The following GRAMD1A variants were observed in gnomAD, a reference collection of about 807,000 sequenced individuals.
The protein encoded by GRAMD1A is GRAM domain containing 1A, also known as protein Aster-A.
A neutral mutation model predicts 92.0 loss-of-function variants in GRAMD1A; 50 were observed. The observed-to-expected ratio is 0.54, with a 90% CI of 0.43 to 0.69. The LOEUF (loss-of-function observed/expected upper bound fraction) is 0.69, where lower values mean the gene tolerates loss of function less well. GRAMD1A is among the 30% of genes least tolerant of loss of function. GRAMD1A has a pLI of 0.00. For missense variants in GRAMD1A, 819 were observed against 978.9 expected (o/e 0.84, Z 2.18); for synonymous variants, 405 against 403.6 (o/e 1.00, Z -0.04).
At position 35,023,290 on chromosome 19, in the gene GRAMD1A, G is replaced by C. The variant is rs2016205426; in HGVS notation, c.1908G>C (p.Leu636=). 1 of 1,614,028 alleles carries C rather than the reference G, an allele frequency of 6.2e-7. No individual in the cohort carries two copies. The highest frequency in any genetic ancestry group is 1.3e-5 in the African/African-American group (1 of 74,936). Reference sequence around the variant, plus strand: ...TGCTCTTCTACCGCCTCTGGTCCCTGGAAAGGACAGCCCACACCTTTGAGT... The same window carrying C: ...TGCTCTTCTACCGCCTCTGGTCCCTCGAAAGGACAGCCCACACCTTTGAGT... ...NVLLFYRLWS[L]ERTAHTFESW... Residue 636 remains leucine, a synonymous_variant, in exon 18 of 20, where the codon CTG becomes CTC. Transcript: ENST00000317991.
At chr19:35,012,375 G>T (rs1049899754) in intron 7 of GRAMD1A, among the ~76,000 whole-genome samples, 44 of 152,256 alleles carry the variant, frequency 2.9e-4, no homozygotes, top group African/African-American at 9.9e-4. Context: ...CAGTGAGTTA[G>T]TACATCTGTA....
upstream of GRAMD1A, among the ~76,000 whole-genome samples, chr19:34,999,229 T>C (rs913037768): frequency 4.6e-5 from 7 of 151,780 alleles, no homozygotes; most frequent in African/African-American, 1.7e-4. Context: ...TTGTGACGGA[T>C]TGGATGTGGT....
chr19:35,003,166 G>A (rs993169067), intron 1 of GRAMD1A, among the ~76,000 whole-genome samples: 1,351 of 125,984 alleles, frequency 0.011, 24 homozygotes, highest in African/African-American at 0.033. Flanking sequence ...GTGTGTGTGT[G>A]TGTGTGTGTG....
At chr19:35,015,403 A>G (rs868071749) in intron 10 of GRAMD1A, 10 of 160,636 alleles carry the variant, frequency 6.2e-5, no homozygotes, top group Middle Eastern at 3.1e-3. Context: ...TCTACAGCGG[A>G]CACCCTAGGG....
intron 1 of GRAMD1A, among the ~76,000 whole-genome samples, chr19:35,005,232 A>G (rs1183495176): frequency 7.1e-6 from 1 of 140,942 alleles, no homozygotes; most frequent in Non-Finnish European, 1.5e-5. Flanking sequence ...AAGGATAAGA[A>G]CTAGGGGGAA....
Position 35,023,320 on chromosome 19 carries a change from G to A in GRAMD1A, c.1938G>A (p.Trp646Ter). 1 of 1,614,128 alleles carries A rather than the reference G, an allele frequency of 6.2e-7. No individual in the cohort carries two copies. Residue 646 changes from tryptophan (W) to a stop codon, truncating the protein, a stop_gained, in exon 18 of 20, where the codon TGG becomes TGA. Transcript: ENST00000317991. LOFTEE classifies it high-confidence loss of function. ...GGACAGCCCACACCTTTGAGTCCTGGCACAGCCTGGCCCTGGCCAAGGGGT... is the reference window on the plus strand; with the variant it reads ...GGACAGCCCACACCTTTGAGTCCTGACACAGCCTGGCCCTGGCCAAGGGGT... The part of the protein sequence containing the change: ...LERTAHTFES[W>*]HSLALAKGKF...
chr19:34,999,917 T>TC, upstream of GRAMD1A: 1 of 760,570 alleles, frequency 1.3e-6, no homozygotes, highest in Non-Finnish European at 1.6e-6. Flanking sequence ...TCAGGCCCCC[T>TC]CCCCCATACA....
Position 35,004,267 on chromosome 19 carries a change from A to G in GRAMD1A, c.8+3781A>G, listed in dbSNP as rs535427185. 8.5e-5 allele frequency among the ~76,000 whole-genome samples: 13 copies of G among 152,116 alleles called. No homozygotes were observed. In the East Asian group the frequency reaches 1.2e-3, roughly 14 times the overall value. ...GCCACTGTACTGCAGCCTGGGTGAC[A>G]GAGTGTGACCGTGTCTCTAAAAAAA... On this transcript the variant is annotated intron_variant, in intron 1 of 19. Transcript: ENST00000317991.
At chr19:35,008,848 A>G (rs1176022196) in intron 1 of GRAMD1A, among the ~76,000 whole-genome samples, 1 of 152,200 alleles carries the variant, frequency 6.6e-6, no homozygotes, top group Non-Finnish European at 1.5e-5. Context: ...AGTAAGATAA[A>G]GGAAGTGCTT....
upstream of GRAMD1A, among the ~76,000 whole-genome samples, chr19:34,995,570 G>GTTTTTCTTTTTTTTTT (rs1173583059): frequency 3.7e-5 from 3 of 80,956 alleles, 1 homozygote; most frequent in Non-Finnish European, 7.4e-5. Flanking sequence ...TCAGATCACG[G>GTTTTTCTTTTTTTTTT]GTTTTTTTTT....
chr19:35,001,632 G>A (rs2014380980), intron 1 of GRAMD1A, among the ~76,000 whole-genome samples: 1 of 150,932 alleles, frequency 6.6e-6, no homozygotes, highest in Non-Finnish European at 1.5e-5. Flanking sequence ...TTTTGAAATA[G>A]AGTCTGGCTC....
At chr19:35,023,012 G>C (rs911244025) in intron 17 of GRAMD1A, 101 bp downstream of exon 17, 1 of 995,020 alleles carries the variant, frequency 1.0e-6, no homozygotes, top group Non-Finnish European at 1.5e-6. Flanking sequence ...CCAGGGAGGT[G>C]GCCTGGCATG....
At chr19:35,023,637 C>T (rs2016243771) in intron 19 of GRAMD1A, 90 bp downstream of exon 19, 1 of 1,272,146 alleles carries the variant, frequency 7.9e-7, no homozygotes, top group South Asian at 1.6e-5. Flanking sequence ...CTTCCCCTCT[C>T]CGGATCTCAG....
At chr19:35,000,247 GC>G (rs2014239938), upstream of GRAMD1A, 1 of 1,025,462 alleles carries the variant, frequency 9.8e-7, no homozygotes, top group South Asian at 4.6e-5. This position sits in a 1 kb window ranked among gnomAD's most constrained non-coding sequence, Gnocchi z 4.9. Flanking sequence ...CGGGCTGGGG[GC>G]GGCGCCGTGA....
rs1453737431 is a variant in GRAMD1A at position 35,021,307 on chromosome 19, G to A, written c.1476-195G>A. On this transcript the variant is annotated intron_variant, in intron 13 of 19. Transcript: ENST00000317991. This position sits in a 1 kb window ranked among gnomAD's most constrained non-coding sequence, Gnocchi z 5.3. ...TGGAGAAGGACCGAGGGCTGAGTTG[G>A]CTGGCATTTGGGCTGGGCGGGTGGT... Among the ~76,000 whole-genome samples the A allele has an allele frequency of 6.6e-6, 1 of 152,184 alleles. No homozygotes were observed. The highest frequency in any genetic ancestry group is 1.5e-5 in the Non-Finnish European group (1 of 68,018).
chr19:35,003,457 TG>T (rs1217851950), intron 1 of GRAMD1A, among the ~76,000 whole-genome samples: 1 of 152,120 alleles, frequency 6.6e-6, no homozygotes, highest in Non-Finnish European at 1.5e-5. Flanking sequence ...CTATCCTGGT[TG>T]GGCAGCCGCA....
intron 6 of GRAMD1A, among the ~76,000 whole-genome samples, chr19:35,011,094 C>T (rs2015200085): frequency 1.5e-5 from 2 of 136,494 alleles, no homozygotes. Flanking sequence ...AAAGCCAGAC[C>T]CTGTCTCAAA....
chr19:35,022,992 C>A, intron 17 of GRAMD1A, 81 bp downstream of exon 17: 1 of 1,130,088 alleles, frequency 8.8e-7, no homozygotes, highest in Non-Finnish European at 1.3e-6. Flanking sequence ...CCCCATGCCC[C>A]CCAGCTCCCC....
chr19:35,023,147 G>A (rs2016193762), intron 17 of GRAMD1A, 89 bp from the exon 18 acceptor site: 2 of 940,792 alleles, frequency 2.1e-6, no homozygotes, highest in Non-Finnish European at 3.5e-6. Context: ...TGCAATGGGG[G>A]ATAGAGGTGT....
Sources: allele counts gnomAD v4.1 joint callset (sites outside exome capture counted in the v4.1 genomes callset), GRCh38; gene constraint gnomAD v4.1.1; non-coding constraint Gnocchi (gnomAD v3.1); transcripts MANE v1.5; gene names NCBI Gene and HGNC (gene_info 2026-07-23, HGNC 2026-07-21).